FXR1: variants seen among roughly 807,000 people sequenced by gnomAD.
The protein encoded by FXR1 is RNA-binding protein FXR1.
In FXR1, 15 loss-of-function variants were observed where a neutral mutation model predicts 84.0. The observed-to-expected ratio is 0.18, with a 90% CI of 0.12 to 0.27. The LOEUF is 0.27. Among genes scored for constraint, FXR1 ranks in the 10% least tolerant of loss-of-function variants. The pLI is 1.00. For missense variants in FXR1, 480 were observed against 774.4 expected, an observed-to-expected ratio of 0.62 and a Z score of 4.51; for synonymous variants, 245 against 250.7, an observed-to-expected ratio of 0.98 and a Z score of 0.21.
chr3:180,951,584 A>G (rs150549760), intron 8 of FXR1, 116 bp downstream of exon 8: 153 of 730,668 alleles, frequency 2.1e-4, no homozygotes, highest in Middle Eastern at 9.3e-4. Flanking sequence ...AATTTATTCA[A>G]TTAGCATCAG....
At chr3:180,926,648 T>TG (rs1367464084) in intron 1 of FXR1, among the ~76,000 whole-genome samples, 1 of 151,930 alleles carries the variant, frequency 6.6e-6, no homozygotes, top group East Asian at 1.9e-4. Context: ...GTTCTGGACT[T>TG]GCATTTTAAA....
chr3:180,930,393 A>G (rs1007336570), intron 1 of FXR1, among the ~76,000 whole-genome samples: 4 of 152,168 alleles, frequency 2.6e-5, no homozygotes, highest in Admixed American at 1.3e-4. Context: ...TTTAGATAGA[A>G]AAAAGGTTTT....
chr3:180,967,926 G>T, intron 13 of FXR1, 125 bp from the exon 14 acceptor site: 1 of 646,450 alleles, frequency 1.5e-6, no homozygotes, highest in Non-Finnish European at 2.8e-6. Context: ...AACTTTCATG[G>T]ATCTTTCTTT....
At chr3:180,927,826 C>G (rs1322343105) in intron 1 of FXR1, 1 of 426,438 alleles carries the variant, frequency 2.3e-6, no homozygotes, top group East Asian at 3.6e-5. Context: ...ACTTGTTCAC[C>G]TAGTTCATAT....
chr3:180,914,418 TGTATAAG>T (rs1250864535), intron 1 of FXR1, among the ~76,000 whole-genome samples: 1 of 152,160 alleles, frequency 6.6e-6, no homozygotes, highest in African/African-American at 2.4e-5. Flanking sequence ...CTGTAGTTCT[TGTATAAG>T]GGAGGTATGC....
Position 180,923,161 on chromosome 3 carries a change from CTGTT to C in FXR1, c.52-10170_52-10167del, listed in dbSNP as rs535583786. On this transcript the variant is annotated intron_variant, in intron 1 of 16. Transcript: ENST00000357559. The stretch of plus-strand genomic sequence containing the variant: ...TGCTAGTGCCATGTATTAATCATCT[CTGTT>C]TGAAAGTTGTTTTTCTTGCATGTGT... Among the ~76,000 whole-genome samples the C allele has an allele frequency of 1.0e-3, 152 of 152,248 alleles. 1 individual carries two copies. The highest frequency in any genetic ancestry group is 3.6e-3 in the African/African-American group (150 of 41,536).
chr3:180,947,628 C>T (rs545320926), intron 3 of FXR1, among the ~76,000 whole-genome samples: 1 of 152,128 alleles, frequency 6.6e-6, no homozygotes, highest in East Asian at 1.9e-4. Flanking sequence ...GTTTAGTAAA[C>T]CTCATGAATA....
chr3:180,922,843 G>A (rs1345709398), intron 1 of FXR1, among the ~76,000 whole-genome samples: 3 of 152,040 alleles, frequency 2.0e-5, no homozygotes, highest in Non-Finnish European at 4.4e-5. Flanking sequence ...CCAACTCCTG[G>A]ACTCAAGTGA....
intron 1 of FXR1, chr3:180,914,822 C>T (rs1717685393): frequency 1.0e-6 from 1 of 984,792 alleles, no homozygotes; most frequent in Non-Finnish European, 1.2e-6. Flanking sequence ...AGGACACTAG[C>T]CACCTGTGTG....
intron 3 of FXR1, among the ~76,000 whole-genome samples, chr3:180,938,930 A>G (rs1297755714): frequency 6.7e-6 from 1 of 149,320 alleles, no homozygotes; most frequent in African/African-American, 2.5e-5. Context: ...GAGTCTCACT[A>G]AGTTGCTCAG....
rs1560033839 is a variant in FXR1, at chr3:180,979,848, C to G, written c.*3556C>G. On this transcript the variant is annotated 3_prime_UTR_variant, in exon 17 of 17. Coordinates refer to ENST00000357559, the MANE Select transcript of FXR1 (RefSeq NM_005087.4). ...ATTTTTAAAAAGTTTATCAGTGTAT[C>G]ATTTCAGATTCATCTGTATCTTCTG... The G allele has an allele frequency of 6.6e-6, 1 of 151,982 alleles. No individual in the cohort carries two copies. The highest frequency in any genetic ancestry group is 1.5e-5 in the Non-Finnish European group (1 of 67,920). The allele number at this position is 151,982 out of a possible 1,614,324, so 9.4% of individuals were successfully genotyped here.
chr3:180,921,981 G>C (rs1250468001), intron 1 of FXR1, among the ~76,000 whole-genome samples: 1 of 152,062 alleles, frequency 6.6e-6, no homozygotes, highest in African/African-American at 2.4e-5. Flanking sequence ...TACAAGTATA[G>C]GGTTTTTCAG....
intron 3 of FXR1, among the ~76,000 whole-genome samples, chr3:180,936,655 A>G (rs1373961014): frequency 6.6e-6 from 1 of 152,202 alleles, no homozygotes; most frequent in Admixed American, 6.5e-5. Context: ...TCAATCCCTG[A>G]CAACCTTAAC....
intron 13 of FXR1, among the ~76,000 whole-genome samples, chr3:180,963,917 T>C (rs1363379211): frequency 3.3e-5 from 5 of 152,154 alleles, no homozygotes; most frequent in African/African-American, 9.7e-5. Flanking sequence ...TTTTCTTCAC[T>C]CCTATACTTA....
At position 180,979,551 on chromosome 3, in the gene FXR1, ATTTT is replaced by A. The variant is rs879329261; in HGVS notation, c.*3267_*3270del. 1 of 145,818 alleles carries A rather than the reference ATTTT, an allele frequency of 6.9e-6. No individual in the cohort carries two copies. The highest frequency in any genetic ancestry group is 1.5e-5 in the Non-Finnish European group (1 of 65,786). 9.0% of individuals were successfully genotyped at this position (145,818 alleles called of 1,614,324 possible). On this transcript the variant is annotated 3_prime_UTR_variant, in exon 17 of 17. Transcript: ENST00000357559. ...GCTATAGTGAATTTGCTAGCCCCTT[ATTTT>A]TTTTTTTAATTTTAGTTCTTTATTA...
rs190427919 is a variant in FXR1 at position 180,980,761 on chromosome 3, T to A, written c.*4469T>A. On this transcript the variant is annotated 3_prime_UTR_variant, in exon 17 of 17. Transcript: ENST00000357559. ...AGGATAGAAGCTCTTCCTATATATATCTTGTTGCTAAGGCAGTAGTTGGCT... is the reference window on the plus strand; with the variant it reads ...AGGATAGAAGCTCTTCCTATATATAACTTGTTGCTAAGGCAGTAGTTGGCT... 30 of 152,114 alleles carry A rather than the reference T, an allele frequency of 2.0e-4. No homozygotes were observed. Among genetic ancestry groups the A allele is most frequent in the African/African-American group, 7.2e-4 (30 of 41,526 alleles). 9.4% of individuals were successfully genotyped at this position (152,114 alleles called of 1,614,324 possible).
intron 3 of FXR1, among the ~76,000 whole-genome samples, chr3:180,942,332 T>C (rs1018008764): frequency 1.6e-5 from 2 of 128,120 alleles, no homozygotes; most frequent in Non-Finnish European, 3.1e-5. Flanking sequence ...GAGCTGAGAT[T>C]GCGCCACTGC....
At chr3:180,943,718 C>T (rs968923385) in intron 3 of FXR1, among the ~76,000 whole-genome samples, 1 of 152,072 alleles carries the variant, frequency 6.6e-6, no homozygotes, top group Non-Finnish European at 1.5e-5. Context: ...GAAAAGCCTC[C>T]AGGCAGTTGA....
chr3:180,950,179 G>C (rs1215243455), intron 7 of FXR1, among the ~76,000 whole-genome samples: 1 of 152,084 alleles, frequency 6.6e-6, no homozygotes, highest in Non-Finnish European at 1.5e-5. Context: ...ACACTTTCTA[G>C]ATCTAGATGA....
Sources: allele counts gnomAD v4.1 joint callset (sites outside exome capture counted in the v4.1 genomes callset), GRCh38; gene constraint gnomAD v4.1.1; transcripts MANE v1.5; gene names NCBI Gene and HGNC (gene_info 2026-07-23, HGNC 2026-07-21).